Variants in B3GALT5 observed in about 807,000 individuals in gnomAD.
The protein encoded by B3GALT5 is UDP-Gal:betaGlcNAc beta 1,3-galactosyltransferase, polypeptide 5.
For missense variants in B3GALT5, 328 were observed against 396.6 expected (o/e 0.83, Z 1.47); for synonymous variants, 156 against 158.6 (o/e 0.98, Z 0.12).
intron 1 of B3GALT5, among the ~76,000 whole-genome samples, chr21:39,632,022 G>T (rs987721699): frequency 6.6e-6 from 1 of 152,214 alleles, no homozygotes; most frequent in Non-Finnish European, 1.5e-5. Context: ...TGTCCACTGG[G>T]AGGTGATGGA....
At position 39,671,885 on chromosome 21, in the gene B3GALT5, T is replaced by A. The variant is rs1424907905; in HGVS notation, c.*10393T>A. 1 of 152,186 alleles carries A rather than the reference T, an allele frequency of 6.6e-6. No individual in the cohort carries two copies. The highest frequency in any genetic ancestry group is 1.5e-5 in the Non-Finnish European group (1 of 68,046). The allele number at this position is 152,186 out of a possible 1,614,324, so 9.4% of individuals were successfully genotyped here. On this transcript the variant is annotated 3_prime_UTR_variant, in exon 4 of 4. Transcript: ENST00000684187. ...TGGCCTTGAAGCTGAAGGGAACCTG[T>A]CCACCCTCTGCACAGGGCAAGAGCC...
intron 1 of B3GALT5, among the ~76,000 whole-genome samples, chr21:39,624,506 G>A (rs767252051): frequency 7.9e-5 from 12 of 152,184 alleles, no homozygotes; most frequent in Non-Finnish European, 1.6e-4. Context: ...AGGGAGTCTG[G>A]CATAATTCCC....
chr21:39,655,629 G>T (rs1220460985), intron 2 of B3GALT5, among the ~76,000 whole-genome samples: 1 of 152,122 alleles, frequency 6.6e-6, no homozygotes, highest in Non-Finnish European at 1.5e-5. Context: ...CAATTGGGGT[G>T]GGGGGCATTC....
intron 1 of B3GALT5, among the ~76,000 whole-genome samples, chr21:39,636,441 C>CGA (rs1468080051): frequency 2.0e-5 from 3 of 152,024 alleles, no homozygotes; most frequent in African/African-American, 7.3e-5. Context: ...AGAGAAACCC[C>CGA]GACGCCTTTC....
Position 39,671,331 on chromosome 21 carries a change from T to C in B3GALT5, c.*9839T>C, listed in dbSNP as rs1160710933. 3.3e-5 allele frequency: 5 copies of C among 152,326 alleles called. No individual in the cohort carries two copies. The East Asian group carries it at 9.6e-4, about 29-fold the overall frequency. The allele number at this position is 152,326 out of a possible 1,614,324, so 9.4% of individuals were successfully genotyped here. A position where few individuals can be genotyped will look rare whatever the true frequency, so the allele number is the denominator to read the frequency against. ...GCGTTTGTTATATCAGAATGGACATTATAGCAATTTCCATGGCTGTGTCGC... is the reference window on the plus strand; with the variant it reads ...GCGTTTGTTATATCAGAATGGACATCATAGCAATTTCCATGGCTGTGTCGC... On this transcript the variant is annotated 3_prime_UTR_variant, in exon 4 of 4. Transcript: ENST00000684187.
chr21:39,624,765 C>A (rs963252042), intron 1 of B3GALT5, among the ~76,000 whole-genome samples: 1 of 151,366 alleles, frequency 6.6e-6, no homozygotes, highest in African/African-American at 2.4e-5. Context: ...TAAAAATGTG[C>A]AAATTACCTC....
At position 39,660,683 on chromosome 21, in the gene B3GALT5, G is replaced by A. The variant is rs754858648; in HGVS notation, c.124G>A (p.Gly42Arg). The change falls in exon 4 of 4, where the codon GGG becomes AGG. Residue 42 changes from glycine (G) to arginine (R), a missense_variant. By Grantham distance (125) the Gly-to-Arg change is moderately radical. Transcript: ENST00000684187. ...KEQSFVYKKD[G>R]NFLKLPDTDC... Reference sequence around the variant, plus strand: ...ACAGTCCTTTGTTTACAAGAAAGACGGGAACTTCCTTAAGCTCCCAGATAC... The same window carrying A: ...ACAGTCCTTTGTTTACAAGAAAGACAGGAACTTCCTTAAGCTCCCAGATAC... 13 of 1,557,482 alleles carry A rather than the reference G, an allele frequency of 8.3e-6. No homozygotes were observed. Among genetic ancestry groups the A allele is most frequent in the Admixed American group, 7.9e-5 (4 of 50,324 alleles).
At chr21:39,628,806 T>G (rs762707151) in intron 1 of B3GALT5, among the ~76,000 whole-genome samples, 49 of 152,228 alleles carry the variant, frequency 3.2e-4, no homozygotes, top group Non-Finnish European at 6.8e-4. Context: ...GGTCTCTGGA[T>G]TCTATGAAGT....
intron 1 of B3GALT5, among the ~76,000 whole-genome samples, chr21:39,615,330 G>T (rs772987933): frequency 6.6e-6 from 1 of 152,202 alleles, no homozygotes; most frequent in Non-Finnish European, 1.5e-5. Flanking sequence ...AAGGTGAAGG[G>T]GTGGGTAAGA....
At chr21:39,659,654 A>T in intron 2 of B3GALT5, 99 bp from the exon 3 acceptor site, 1 of 648,744 alleles carries the variant, frequency 1.5e-6, no homozygotes, top group Non-Finnish European at 1.9e-6. Context: ...AGAGTCACAT[A>T]AGTAGGTTGG....
chr21:39,618,795 C>CT (rs1184523683), intron 1 of B3GALT5, among the ~76,000 whole-genome samples: 21 of 151,982 alleles, frequency 1.4e-4, no homozygotes, highest in African/African-American at 4.3e-4. Context: ...AAATTTACCA[C>CT]TTTTTTTTAA....
chr21:39,634,049 A>G lies in B3GALT5; in HGVS notation c.-391-12343A>G, dbSNP rs192656221. Among the ~76,000 whole-genome samples the G allele has an allele frequency of 5.3e-5, 8 of 152,314 alleles. No individual in the cohort carries two copies. The East Asian group carries it at 1.5e-3, about 29-fold the overall frequency. ...AACCACAGTAAATTCCTTTTACCTC[A>G]TGACTCAGTACACACATATGACCCA... On this transcript the variant is annotated intron_variant, in intron 1 of 3. Transcript: ENST00000684187.
chr21:39,633,369 G>A (rs1444044125), intron 1 of B3GALT5, among the ~76,000 whole-genome samples: 1 of 152,134 alleles, frequency 6.6e-6, no homozygotes, highest in Non-Finnish European at 1.5e-5. Context: ...TTGGTTCTTT[G>A]CTTATATGAC....
intron 1 of B3GALT5, among the ~76,000 whole-genome samples, chr21:39,633,044 C>T (rs555146790): frequency 6.6e-6 from 1 of 152,230 alleles, no homozygotes; most frequent in African/African-American, 2.4e-5. Context: ...TTTTCCTGAC[C>T]TGAAGATTTC....
At chr21:39,625,969 C>G (rs372581158) in intron 1 of B3GALT5, among the ~76,000 whole-genome samples, 1 of 152,116 alleles carries the variant, frequency 6.6e-6, no homozygotes, top group Non-Finnish European at 1.5e-5. Flanking sequence ...ACCATTTTAA[C>G]GACAGTTTTG....
At chr21:39,641,191 C>A (rs1452066418) in intron 1 of B3GALT5, among the ~76,000 whole-genome samples, 2 of 152,172 alleles carry the variant, frequency 1.3e-5, no homozygotes, top group African/African-American at 2.4e-5. Context: ...TAGAGTTATG[C>A]ACTACTACAA....
Position 39,661,343 on chromosome 21 carries a change from T to G in B3GALT5, c.784T>G (p.Ser262Ala). 3 of 1,612,756 alleles carry G rather than the reference T, an allele frequency of 1.9e-6. No individual in the cohort carries two copies. In the East Asian group the frequency reaches 6.7e-5, roughly 36 times the overall value. Residue 262 changes from serine (S) to alanine (A), a missense_variant, in exon 4 of 4, where the codon TCC becomes GCC. Ser to Ala is a moderately conservative substitution (Grantham distance 99, BLOSUM62 1). Coordinates refer to ENST00000684187, the MANE Select transcript of B3GALT5 (RefSeq NM_001356336.2). The surrounding 1 kb of genome is among the most constrained non-coding windows in gnomAD (Gnocchi z 4.7). ...GAACATCAGATTGGAGGAGCTCCAC[T>G]CCCAGCCGACCTTTTTTCCAGGGGG... ...RLNIRLEELH[S>A]QPTFFPGGLR...
intron 1 of B3GALT5, among the ~76,000 whole-genome samples, chr21:39,639,331 TTTCTTTCTTTCTTTCTTTCCTTCC>T (rs1365197354): frequency 8.3e-6 from 1 of 120,094 alleles, no homozygotes; most frequent in East Asian, 2.6e-4. Context: ...TCTTTCTTTC[TTTCTTTCTTTCTTTCTTTCCTTCC>T]TTCCTTCCTT....
At chr21:39,613,786 A>T (rs992978001) in intron 1 of B3GALT5, among the ~76,000 whole-genome samples, 1 of 152,082 alleles carries the variant, frequency 6.6e-6, no homozygotes, top group Admixed American at 6.5e-5. Flanking sequence ...TAGGTTTCTG[A>T]CTCTTGAGGG....
Sources: gnomAD v4.1 joint callset for allele counts (sites outside exome capture counted in the v4.1 genomes callset) on GRCh38, gnomAD v4.1.1 for gene constraint, Gnocchi (gnomAD v3.1) non-coding constraint, MANE v1.5 for transcripts, NCBI Gene and HGNC (gene_info 2026-07-23, HGNC 2026-07-21) for gene names.